RALGPS1: variants seen among roughly 807,000 people sequenced by gnomAD.
RALGPS1 encodes the protein Ral GEF with PH domain and SH3 binding motif 1.
Under a neutral mutation model 78.8 loss-of-function variants are expected in RALGPS1, and 19 were observed. The observed-to-expected ratio is 0.24, with a 90% CI of 0.17 to 0.35. The LOEUF is 0.35. RALGPS1 is among the 10% of genes least tolerant of loss of function. The pLI, the probability that RALGPS1 is intolerant of heterozygous loss-of-function variation, is 1.00. For synonymous variants in RALGPS1, 228 were observed against 256.3 expected (o/e 0.89, Z 1.06); for missense variants, 454 against 688.3 (o/e 0.66, Z 3.81).
chr9:127,070,855 C>T (rs1351753791), intron 8 of RALGPS1, among the ~76,000 whole-genome samples: 1 of 151,634 alleles, frequency 6.6e-6, no homozygotes, highest in African/African-American at 2.4e-5. Context: ...TTTAGATTTT[C>T]TTTCTTTTAA....
chr9:127,033,591 A>G (rs1263332413), intron 4 of RALGPS1, among the ~76,000 whole-genome samples: 1 of 152,142 alleles, frequency 6.6e-6, no homozygotes, highest in Admixed American at 6.5e-5. Context: ...ATAGGTGGAG[A>G]ATTTCAGAAT....
intron 8 of RALGPS1, among the ~76,000 whole-genome samples, chr9:127,093,347 C>T (rs911104351): frequency 2.0e-5 from 3 of 152,190 alleles, no homozygotes; most frequent in Non-Finnish European, 4.4e-5. Context: ...TTGGGACTTG[C>T]GCCTTCTGGG....
rs192363670 is a variant in RALGPS1, at chr9:126,990,149, A to G, written c.216+12404A>G. 15 of 901,692 alleles carry G rather than the reference A, an allele frequency of 1.7e-5. No individual in the cohort carries two copies. The Admixed American group carries it at 2.9e-4, about 17-fold the overall frequency. 55.9% of individuals were successfully genotyped at this position (901,692 alleles called of 1,614,324 possible). On this transcript the variant is annotated intron_variant, in intron 4 of 18. Transcript: ENST00000259351. ...GTGTTTGGCCCTCGGAGAGGGAAGA[A>G]TGTGGCCAGCAGGCAGTCATTTGTA...
intron 8 of RALGPS1, among the ~76,000 whole-genome samples, chr9:127,151,957 G>A (rs571447693): frequency 1.8e-3 from 279 of 152,116 alleles, no homozygotes; most frequent in African/African-American, 6.3e-3. Flanking sequence ...TGCCAACCTT[G>A]CCCACCACAT....
intron 5 of RALGPS1, among the ~76,000 whole-genome samples, chr9:127,037,271 C>G (rs934094202): frequency 3.9e-5 from 6 of 152,166 alleles, no homozygotes; most frequent in Admixed American, 6.5e-5. Flanking sequence ...GGCCTTGTAT[C>G]ACAAAGATGC....
intron 4 of RALGPS1, among the ~76,000 whole-genome samples, chr9:127,028,654 C>T (rs1005373049): frequency 6.6e-6 from 1 of 152,236 alleles, no homozygotes. Flanking sequence ...CTGCTCAGCG[C>T]TGCCTTTCCC....
intron 8 of RALGPS1, among the ~76,000 whole-genome samples, chr9:127,158,122 G>T (rs866212395): frequency 2.0e-4 from 31 of 152,010 alleles, no homozygotes; most frequent in African/African-American, 7.5e-4. Flanking sequence ...AAAATGAACT[G>T]CAGCTATTTC....
At chr9:127,213,629 T>A (rs544484155) in intron 17 of RALGPS1, among the ~76,000 whole-genome samples, 4 of 152,338 alleles carry the variant, frequency 2.6e-5, no homozygotes, top group Admixed American at 2.0e-4. Flanking sequence ...ATGGTGGGTC[T>A]CCTCAGTAAC....
At chr9:127,189,011 A>C (rs867932509) in intron 11 of RALGPS1, among the ~76,000 whole-genome samples, 2,728 of 145,598 alleles carry the variant, frequency 0.019, 84 homozygotes, top group African/African-American at 0.065. Context: ...AAAAAAAAAA[A>C]AAAAAAAAAA....
At position 127,219,012 on chromosome 9, in the gene RALGPS1, G is replaced by C. The variant is rs569900231; in HGVS notation, c.*243G>C. The C allele has an allele frequency of 6.9e-5, 39 of 566,532 alleles. No individual in the cohort carries two copies. In the African/African-American group the frequency reaches 7.0e-4, roughly 10 times the overall value. 35.1% of individuals were successfully genotyped at this position (566,532 alleles called of 1,614,324 possible). ...GCACCGCCTCTTGGGGCAGTGGTCA[G>C]ACCCCACACGCCCTCTCTGGGCCCA... On this transcript the variant is annotated 3_prime_UTR_variant, in exon 19 of 19. Coordinates refer to ENST00000259351, the MANE Select transcript of RALGPS1 (RefSeq NM_014636.3). The surrounding 1 kb of genome is among the most constrained non-coding windows in gnomAD (Gnocchi z 5.0).
chr9:126,929,498 C>T (rs1005178672), intron 1 of RALGPS1, among the ~76,000 whole-genome samples: 7 of 152,124 alleles, frequency 4.6e-5, no homozygotes, highest in South Asian at 2.1e-4. Context: ...GTTGACCAGG[C>T]TGGAGTGCAG....
At chr9:126,932,976 T>C (rs183061831) in intron 1 of RALGPS1, among the ~76,000 whole-genome samples, 3 of 152,104 alleles carry the variant, frequency 2.0e-5, no homozygotes, top group African/African-American at 7.2e-5. Flanking sequence ...TGGCGGCCTG[T>C]GTTAGGGTTG....
At chr9:127,182,080 G>A (rs903968841) in intron 11 of RALGPS1, among the ~76,000 whole-genome samples, 52 of 151,754 alleles carry the variant, frequency 3.4e-4, no homozygotes, top group Admixed American at 1.1e-3. Context: ...GTTCATGCCT[G>A]TAATCCTGGA....
intron 4 of RALGPS1, among the ~76,000 whole-genome samples, chr9:126,996,623 A>G (rs2042791213): frequency 1.3e-5 from 2 of 151,798 alleles, no homozygotes; most frequent in South Asian, 2.1e-4. Flanking sequence ...GCTGATACCA[A>G]TCCTTCTGAA....
intron 8 of RALGPS1, chr9:127,088,370 A>G (rs1448895441): frequency 6.5e-6 from 1 of 153,282 alleles, no homozygotes; most frequent in Non-Finnish European, 1.5e-5. Flanking sequence ...ACAGATGCCA[A>G]GGGTGATCCT....
At chr9:127,097,315 A>G (rs1417926491) in intron 8 of RALGPS1, among the ~76,000 whole-genome samples, 2 of 152,240 alleles carry the variant, frequency 1.3e-5, no homozygotes, top group East Asian at 3.8e-4. Context: ...GCTTTCTAGA[A>G]TAATCGAGTA....
At chr9:127,188,122 C>T (rs1407159828) in intron 11 of RALGPS1, among the ~76,000 whole-genome samples, 3 of 130,334 alleles carry the variant, frequency 2.3e-5, no homozygotes, top group Non-Finnish European at 4.7e-5. Context: ...AGTGCAGTGG[C>T]GCGATCTAGG....
At chr9:127,126,698 G>T (rs1475193714) in intron 8 of RALGPS1, among the ~76,000 whole-genome samples, 2 of 152,118 alleles carry the variant, frequency 1.3e-5, no homozygotes, top group African/African-American at 2.4e-5. Flanking sequence ...ATTTTCACTT[G>T]GTTTATTTTT....
At chr9:127,039,131 G>A (rs1330242885) in intron 5 of RALGPS1, among the ~76,000 whole-genome samples, 4 of 152,072 alleles carry the variant, frequency 2.6e-5, no homozygotes, top group African/African-American at 9.7e-5. Flanking sequence ...GAAGGCCTGG[G>A]GTCAGTGAAA....
Sources: gnomAD v4.1 joint callset for allele counts (sites outside exome capture counted in the v4.1 genomes callset) on GRCh38, gnomAD v4.1.1 for gene constraint, Gnocchi (gnomAD v3.1) non-coding constraint, MANE v1.5 for transcripts, NCBI Gene and HGNC (gene_info 2026-07-23, HGNC 2026-07-21) for gene names.